ARL13B: variants seen among roughly 807,000 people sequenced by gnomAD.
The protein encoded by ARL13B is ARF like GTPase 13B.
A neutral mutation model predicts 56.1 loss-of-function variants in ARL13B; 36 were observed. That is an observed-to-expected ratio of 0.64 (90% confidence interval 0.49 to 0.85). The LOEUF (loss-of-function observed/expected upper bound fraction) is 0.85. ARL13B is among the 40% of genes least tolerant of loss of function. The probability of loss-of-function intolerance (pLI) is 0.00; values close to 1 mark genes in which losing one functional copy is unlikely to be tolerated. For missense variants in ARL13B, 519 were observed against 507.1 expected, an observed-to-expected ratio of 1.02 and a Z score of -0.23; for synonymous variants, 178 against 171.1, an observed-to-expected ratio of 1.04 and a Z score of -0.32.
chr3:93,989,682 C>A (rs532950703), intron 1 of ARL13B, among the ~76,000 whole-genome samples: 70 of 151,916 alleles, frequency 4.6e-4, no homozygotes, highest in African/African-American at 1.6e-3. Flanking sequence ...TTGTTATTAT[C>A]CTATTTCATT....
Position 94,055,517 on chromosome 3 carries a change from G to C in ARL13B, c.*2254G>C, listed in dbSNP as rs1322360742. On this transcript the variant is annotated 3_prime_UTR_variant, in exon 10 of 10. Coordinates refer to ENST00000394222, the MANE Select transcript of ARL13B (RefSeq NM_001174150.2). ...AGCATTTCACCATATGATGTTAGAG[G>C]ATTTGATGTCTGTCTTGCGTTAAAG... is the stretch of plus-strand genomic sequence containing the variant. 1 of 453,898 alleles carries C rather than the reference G, an allele frequency of 2.2e-6. No individual in the cohort carries two copies. The highest frequency in any genetic ancestry group is 6.9e-5 in the East Asian group (1 of 14,398). The allele number at this position is 453,898 out of a possible 1,614,324, so 28.1% of individuals were successfully genotyped here.
At chr3:94,009,048 G>T (rs2076178523) in intron 3 of ARL13B, among the ~76,000 whole-genome samples, 1 of 151,146 alleles carries the variant, frequency 6.6e-6, no homozygotes, top group Non-Finnish European at 1.5e-5. Context: ...TGCGTATGGG[G>T]TAGCCCTGCT....
At chr3:94,006,341 T>C (rs2076134616) in intron 3 of ARL13B, among the ~76,000 whole-genome samples, 2 of 152,180 alleles carry the variant, frequency 1.3e-5, no homozygotes, top group African/African-American at 2.4e-5. Flanking sequence ...TTTTTTGATA[T>C]GTTTATAAAC....
intron 3 of ARL13B, among the ~76,000 whole-genome samples, chr3:94,029,342 T>A (rs13062246): frequency 0.082 from 8,277 of 101,200 alleles, 803 homozygotes; most frequent in African/African-American, 0.26. Context: ...ATATTTATTT[T>A]TTTTTTATTT....
At chr3:94,038,456 G>A (rs1302812335) in intron 5 of ARL13B, among the ~76,000 whole-genome samples, 2 of 138,216 alleles carry the variant, frequency 1.4e-5, no homozygotes, top group Non-Finnish European at 3.1e-5. Context: ...TTACAGTCCA[G>A]TTAAAGATCC....
chr3:94,044,664 G>A (rs1395993585), intron 7 of ARL13B, among the ~76,000 whole-genome samples: 1 of 144,940 alleles, frequency 6.9e-6, no homozygotes, highest in Admixed American at 6.9e-5. Context: ...CATCGGGTAG[G>A]TGAGGAGTGC....
intron 3 of ARL13B, among the ~76,000 whole-genome samples, chr3:94,015,673 C>T (rs1187974173): frequency 6.6e-6 from 1 of 151,952 alleles, no homozygotes; most frequent in Non-Finnish European, 1.5e-5. Flanking sequence ...ATACTGTTTC[C>T]GGTTAATTTG....
At chr3:94,046,702 T>G (rs1050714134) in intron 7 of ARL13B, among the ~76,000 whole-genome samples, 1 of 152,186 alleles carries the variant, frequency 6.6e-6, no homozygotes, top group African/African-American at 2.4e-5. Flanking sequence ...TTTTTGTTTG[T>G]TTTTTAAGGC....
In ARL13B at chr3:94,053,326, A is replaced by G; in HGVS notation, c.*63A>G. 1 of 1,415,798 alleles carries G rather than the reference A, an allele frequency of 7.1e-7. No homozygotes were observed. The highest frequency in any genetic ancestry group is 1.0e-6 in the Non-Finnish European group (1 of 1,003,952). 87.7% of individuals were successfully genotyped at this position (1,415,798 alleles called of 1,614,324 possible). On this transcript the variant is annotated 3_prime_UTR_variant, in exon 10 of 10. Transcript: ENST00000394222. ...GTGAACTGGGACATTCTTCTTTCTCAGAAGAAGAAACATCTTGTAAATTGA... is the reference window on the plus strand; with the variant it reads ...GTGAACTGGGACATTCTTCTTTCTCGGAAGAAGAAACATCTTGTAAATTGA...
Position 94,055,466 on chromosome 3 carries a change from TTG to T in ARL13B, c.*2206_*2207del, listed in dbSNP as rs1560023008. The T allele has an allele frequency of 2.2e-6, 1 of 453,746 alleles. No individual in the cohort carries two copies. The highest frequency in any genetic ancestry group is 2.0e-5 in the African/African-American group (1 of 50,104). The allele number at this position is 453,746 out of a possible 1,614,324, so 28.1% of individuals were successfully genotyped here. On this transcript the variant is annotated 3_prime_UTR_variant, in exon 10 of 10. Transcript: ENST00000394222. ...AGTTTTTATGTATGTGGGAAAGAAT[TTG>T]TGATTTTAAATGCAGCTACAAATAG...
At chr3:94,003,153 GTC>G (rs2076080950) in intron 2 of ARL13B, among the ~76,000 whole-genome samples, 1 of 152,026 alleles carries the variant, frequency 6.6e-6, no homozygotes, top group Non-Finnish European at 1.5e-5. Context: ...GCCCTTAAAC[GTC>G]TCTTTATTGT....
At chr3:94,016,074 T>G (rs2076328108) in intron 3 of ARL13B, among the ~76,000 whole-genome samples, 1 of 152,152 alleles carries the variant, frequency 6.6e-6, no homozygotes. Context: ...GGTAGTTATC[T>G]GTAAGAATCA....
Position 94,003,811 on chromosome 3 carries a change from G to A in ARL13B, c.283G>A (p.Val95Ile), listed in dbSNP as rs199699009. The A allele has an allele frequency of 1.2e-6, 2 of 1,613,640 alleles. No homozygotes were observed. The highest frequency in any genetic ancestry group is 1.6e-4 in the Middle Eastern group (1 of 6,080). The change falls in exon 3 of 10, where the codon GTT becomes ATT. Residue 95 changes from valine to isoleucine, a missense_variant. Coordinates refer to ENST00000394222, the MANE Select transcript of ARL13B (RefSeq NM_001174150.2). ...YYAESYGVIF[V>I]VDSSDEERME... ...TGCTGAATCCTATGGGGTAATATTT[G>A]TTGTGGATTCCAGTGATGAAGAGAG...
intron 1 of ARL13B, among the ~76,000 whole-genome samples, chr3:93,993,979 G>C (rs928583771): frequency 1.3e-5 from 2 of 152,172 alleles, no homozygotes; most frequent in African/African-American, 4.8e-5. Context: ...TTCTTGCACT[G>C]AGTCAAGTAT....
intron 2 of ARL13B, among the ~76,000 whole-genome samples, chr3:94,000,485 G>T (rs1042487821): frequency 2.0e-5 from 3 of 151,622 alleles, no homozygotes; most frequent in Admixed American, 6.6e-5. Flanking sequence ...GCGTGGACTG[G>T]TCCCTAGCAT....
At chr3:94,018,815 G>T (rs2076387654) in intron 3 of ARL13B, among the ~76,000 whole-genome samples, 1 of 152,122 alleles carries the variant, frequency 6.6e-6, no homozygotes, top group Admixed American at 6.5e-5. Flanking sequence ...CCCTAGGCCG[G>T]AGTGCAGTGG....
At position 94,043,045 on chromosome 3, in the gene ARL13B, A is replaced by C; in HGVS notation, c.829A>C (p.Asn277His). Reference protein sequence around the residue: ...NEGKLEREKKNQKMEKDSDGC... With the variant: ...NEGKLEREKKHQKMEKDSDGC... ...AGGAAAACTTGAAAGAGAGAAAAAA[A>C]ACCAAAAAATGGAGAAAGACAGTGA... Residue 277 changes from asparagine to histidine, a missense_variant, in exon 7 of 10, where the codon AAC becomes CAC. Coordinates refer to ENST00000394222, the MANE Select transcript of ARL13B (RefSeq NM_001174150.2). The C allele has an allele frequency of 6.2e-7, 1 of 1,611,010 alleles. No homozygotes were observed. The highest frequency in any genetic ancestry group is 8.5e-7 in the Non-Finnish European group (1 of 1,179,244).
At chr3:93,996,627 C>A in intron 2 of ARL13B, 1 of 440,692 alleles carries the variant, frequency 2.3e-6, no homozygotes, top group Non-Finnish European at 4.6e-6. Flanking sequence ...ATTCTTCTGC[C>A]TTGGCCTCCA....
rs764633273 is a variant in ARL13B, at chr3:93,980,351, GCC to G, written c.-69_-68del. ...TTAGGGGCGTCTCGGAGTGCCGGAG[GCC>G]CCCGGGGAAGAGCGGGGTGCCGGTG... On this transcript the variant is annotated 5_prime_UTR_variant, in exon 1 of 10. Coordinates refer to ENST00000394222, the MANE Select transcript of ARL13B (RefSeq NM_001174150.2). The G allele has an allele frequency of 5.0e-6, 8 of 1,584,796 alleles. No individual in the cohort carries two copies. The highest frequency in any genetic ancestry group is 6.9e-6 in the Non-Finnish European group (8 of 1,162,604).
Sources: gnomAD v4.1 joint callset for allele counts (sites outside exome capture counted in the v4.1 genomes callset) on GRCh38, gnomAD v4.1.1 for gene constraint, MANE v1.5 for transcripts, NCBI Gene and HGNC (gene_info 2026-07-23, HGNC 2026-07-21) for gene names.